Variants in GPC5 observed in about 807,000 individuals in gnomAD.
GPC5 encodes the protein glypican-5.
Under a neutral mutation model 53.9 loss-of-function variants are expected in GPC5, and 47 were observed. The ratio of observed to expected loss-of-function variants is 0.87; its 90% CI spans 0.69 to 1.11. GPC5 has a LOEUF of 1.11. GPC5 is among the 50% of genes most tolerant of loss of function. GPC5 has a pLI of 0.00. For synonymous variants in GPC5, 286 were observed against 263.3 expected (o/e 1.09, Z -0.84); for missense variants, 748 against 713.1 (o/e 1.05, Z -0.56).
intron 7 of GPC5, among the ~76,000 whole-genome samples, chr13:92,547,841 T>C (rs1229718772): frequency 8.3e-6 from 1 of 120,428 alleles, no homozygotes; most frequent in Admixed American, 8.4e-5. Flanking sequence ...TTTTTTTTTT[T>C]TTCTTTTTGA....
chr13:91,994,191 T>C (rs1440982841), intron 6 of GPC5, among the ~76,000 whole-genome samples: 1 of 152,190 alleles, frequency 6.6e-6, no homozygotes, highest in African/African-American at 2.4e-5. Flanking sequence ...TGCAAGTGAA[T>C]ATGCATGTAT....
chr13:91,607,414 C>T (rs953435624), intron 2 of GPC5, among the ~76,000 whole-genome samples: 1 of 152,110 alleles, frequency 6.6e-6, no homozygotes. Flanking sequence ...CACTTGGAGA[C>T]GTGCTTGCCT....
At chr13:92,628,982 T>A (rs1885148581) in intron 7 of GPC5, among the ~76,000 whole-genome samples, 1 of 152,188 alleles carries the variant, frequency 6.6e-6, no homozygotes, top group Admixed American at 6.5e-5. Context: ...CTGATCTTCC[T>A]CCCATTATAA....
intron 2 of GPC5, among the ~76,000 whole-genome samples, chr13:91,498,098 T>TTC: frequency 6.6e-6 from 1 of 150,960 alleles, no homozygotes; most frequent in South Asian, 2.1e-4. Flanking sequence ...ATTTTTTTTT[T>TTC]CTCCCGCTTA....
rs145940261 is a variant in GPC5 at position 91,629,796 on chromosome 13, T to C, written c.326-63391T>C. Among the ~76,000 whole-genome samples the C allele has an allele frequency of 1.7e-3, 254 of 152,296 alleles. 2 individuals carry two copies. Among genetic ancestry groups the C allele is most frequent in the African/African-American group, 5.9e-3 (246 of 41,576 alleles). On this transcript the variant is annotated intron_variant, in intron 2 of 7. Transcript: ENST00000377067. ...TACTGTTTTGAATCATTCTTTTTGCTACTAAAGGTGGGAAAATGGTACATT... is the reference window on the plus strand; with the variant it reads ...TACTGTTTTGAATCATTCTTTTTGCCACTAAAGGTGGGAAAATGGTACATT...
At chr13:92,282,791 C>A (rs1386082702) in intron 7 of GPC5, among the ~76,000 whole-genome samples, 1 of 152,138 alleles carries the variant, frequency 6.6e-6, no homozygotes, top group Non-Finnish European at 1.5e-5. Flanking sequence ...CAATAACATG[C>A]CAAATTGTAA....
chr13:92,296,035 G>A (rs12874656), intron 7 of GPC5, among the ~76,000 whole-genome samples: 1,858 of 152,128 alleles, frequency 0.012, 35 homozygotes, highest in Middle Eastern at 0.044. Flanking sequence ...TGTTTTTTAA[G>A]TTGTATTTTT....
chr13:92,189,811 A>G (rs1424839425), intron 7 of GPC5, among the ~76,000 whole-genome samples: 1 of 152,194 alleles, frequency 6.6e-6, no homozygotes. Context: ...TAAATGAATA[A>G]TGCTTTTCAA....
intron 7 of GPC5, among the ~76,000 whole-genome samples, chr13:92,415,059 C>T (rs1233820752): frequency 6.6e-6 from 1 of 152,072 alleles, no homozygotes; most frequent in African/African-American, 2.4e-5. Flanking sequence ...GAAGCGTGCA[C>T]CTGTTCAAAT....
intron 7 of GPC5, among the ~76,000 whole-genome samples, chr13:92,171,129 C>T (rs1190621730): frequency 1.3e-5 from 2 of 152,104 alleles, no homozygotes; most frequent in Non-Finnish European, 2.9e-5. Flanking sequence ...TTCATATCTG[C>T]CTCCATTCCT....
chr13:91,506,078 G>A (rs1430305040), intron 2 of GPC5, among the ~76,000 whole-genome samples: 1 of 152,028 alleles, frequency 6.6e-6, no homozygotes, highest in Non-Finnish European at 1.5e-5. Context: ...CTCCATGGGG[G>A]AAAATTAAGG....
intron 7 of GPC5, among the ~76,000 whole-genome samples, chr13:92,148,846 T>C (rs2041887328): frequency 6.6e-6 from 1 of 152,086 alleles, no homozygotes; most frequent in African/African-American, 2.4e-5. Flanking sequence ...ACTATACTTC[T>C]TAGGTCTCTA....
intron 7 of GPC5, among the ~76,000 whole-genome samples, chr13:92,660,693 G>T (rs1886311516): frequency 6.6e-6 from 1 of 151,228 alleles, no homozygotes; most frequent in Non-Finnish European, 1.5e-5. Context: ...ATTGCATTTA[G>T]TTCTAGAATT....
chr13:92,661,322 A>C (rs1235215160), intron 7 of GPC5, among the ~76,000 whole-genome samples: 1 of 150,732 alleles, frequency 6.6e-6, no homozygotes, highest in African/African-American at 2.4e-5. Flanking sequence ...TGACATGCTC[A>C]GTTGGAGAAA....
At chr13:92,042,484 G>A (rs1294729503) in intron 6 of GPC5, among the ~76,000 whole-genome samples, 3 of 151,880 alleles carry the variant, frequency 2.0e-5, no homozygotes, top group Non-Finnish European at 4.4e-5. Context: ...TCCCTAAGAG[G>A]TAAAAACAAA....
At chr13:92,355,882 A>ATTTT (rs57295384) in intron 7 of GPC5, among the ~76,000 whole-genome samples, 1 of 126,156 alleles carries the variant, frequency 7.9e-6, no homozygotes, top group Non-Finnish European at 1.7e-5. Context: ...TGACCCTATC[A>ATTTT]TTTTTTTTTT....
intron 7 of GPC5, among the ~76,000 whole-genome samples, chr13:92,281,201 G>A (rs1287949412): frequency 6.6e-6 from 1 of 152,206 alleles, no homozygotes; most frequent in Non-Finnish European, 1.5e-5. Flanking sequence ...GGCTGGGGTA[G>A]GGGAGCCTGC....
At chr13:92,126,876 C>CT (rs1446738742) in intron 6 of GPC5, among the ~76,000 whole-genome samples, 1 of 151,800 alleles carries the variant, frequency 6.6e-6, no homozygotes, top group Non-Finnish European at 1.5e-5. Context: ...GTGATAACTG[C>CT]TTAAATGCAG....
intron 1 of GPC5, 90 bp downstream of exon 1, chr13:91,399,299 T>C: frequency 1.4e-6 from 2 of 1,457,174 alleles, no homozygotes; most frequent in Non-Finnish European, 1.8e-6. Context: ...CGTGGGAAGA[T>C]GACCTTTCGG....
Sources: allele counts gnomAD v4.1 joint callset (sites outside exome capture counted in the v4.1 genomes callset), GRCh38; gene constraint gnomAD v4.1.1; transcripts MANE v1.5; gene names NCBI Gene and HGNC (gene_info 2026-07-23, HGNC 2026-07-21).